PTPRT: variants seen among roughly 807,000 people sequenced by gnomAD.
PTPRT encodes the protein protein tyrosine phosphatase receptor type T.
Under a neutral mutation model 176.8 loss-of-function variants are expected in PTPRT, and 56 were observed. The ratio of observed to expected loss-of-function variants is 0.32; its 90% CI spans 0.26 to 0.40. PTPRT has a LOEUF of 0.40. Ranked by LOEUF, PTPRT falls within the 10% of genes least tolerant of loss-of-function variation. PTPRT has a pLI of 1.00. For synonymous variants in PTPRT, 783 were observed against 739.0 expected (o/e 1.06, Z -0.96); for missense variants, 1,540 against 1,908.2 (o/e 0.81, Z 3.60).
chr20:42,683,276 G>GTTTTGTTTTGTTTTGTTTTC (rs1395816159), intron 6 of PTPRT, among the ~76,000 whole-genome samples: 1 of 151,450 alleles, frequency 6.6e-6, no homozygotes, highest in Non-Finnish European at 1.5e-5. Flanking sequence ...TGTTTTTTTT[G>GTTTTGTTTTGTTTTGTTTTC]TTTTGTTTTG....
At chr20:42,139,202 T>C (rs1053825433) in intron 18 of PTPRT, among the ~76,000 whole-genome samples, 2 of 152,212 alleles carry the variant, frequency 1.3e-5, no homozygotes, top group African/African-American at 4.8e-5. Flanking sequence ...CACTGTCTTC[T>C]TTCAGCACTG....
intron 2 of PTPRT, among the ~76,000 whole-genome samples, chr20:42,816,872 G>A (rs566071275): frequency 1.3e-5 from 2 of 152,254 alleles, no homozygotes; most frequent in South Asian, 2.1e-4. Context: ...GGCAAGAATC[G>A]TTATGGAGAA....
intron 1 of PTPRT, among the ~76,000 whole-genome samples, chr20:42,892,890 A>C (rs2079219960): frequency 6.6e-6 from 1 of 152,212 alleles, no homozygotes; most frequent in African/African-American, 2.4e-5. Context: ...GCCTGAATAT[A>C]TTAAAAAGGA....
chr20:42,116,667 C>T (rs935104267), intron 21 of PTPRT, among the ~76,000 whole-genome samples: 19 of 152,242 alleles, frequency 1.2e-4, no homozygotes, highest in Admixed American at 5.9e-4. Context: ...AAGAAAATTG[C>T]CCAAGGTCAA....
chr20:42,249,954 C>A (rs2056522249), intron 13 of PTPRT, among the ~76,000 whole-genome samples: 1 of 152,188 alleles, frequency 6.6e-6, no homozygotes, highest in Non-Finnish European at 1.5e-5. Context: ...TGGGAAGCAG[C>A]TTAAAGTCCA....
intron 6 of PTPRT, among the ~76,000 whole-genome samples, chr20:42,704,322 C>A (rs2076018578): frequency 6.6e-6 from 1 of 151,956 alleles, no homozygotes; most frequent in African/African-American, 2.4e-5. Context: ...CCGAGACACC[C>A]CATGGTTCTC....
intron 1 of PTPRT, among the ~76,000 whole-genome samples, chr20:42,952,983 G>A (rs142115841): frequency 7.9e-5 from 12 of 152,254 alleles, no homozygotes; most frequent in East Asian, 5.8e-4. Flanking sequence ...AGATCTGAAC[G>A]CAGCAAAGCC....
chr20:42,043,172 T>G, the PTPRT span, among the ~76,000 whole-genome samples: 1 of 152,224 alleles, frequency 6.6e-6, no homozygotes, highest in Non-Finnish European at 1.5e-5. Context: ...CATATATATT[T>G]CAAAGCTTTC....
intron 23 of PTPRT, 106 bp downstream of exon 23, chr20:42,110,227 T>A (rs1169182057): frequency 9.4e-7 from 1 of 1,065,574 alleles, no homozygotes; most frequent in African/African-American, 1.6e-5. Flanking sequence ...TTTGTATCTT[T>A]CTTTAGTAGA....
intron 17 of PTPRT, among the ~76,000 whole-genome samples, chr20:42,154,501 T>C (rs1001090655): frequency 6.6e-6 from 1 of 152,188 alleles, no homozygotes; most frequent in Non-Finnish European, 1.5e-5. Context: ...AATGAACAAA[T>C]GTTTGCTCTT....
At chr20:42,704,186 G>A (rs1356098374) in intron 6 of PTPRT, among the ~76,000 whole-genome samples, 1 of 151,942 alleles carries the variant, frequency 6.6e-6, no homozygotes, top group African/African-American at 2.4e-5. Flanking sequence ...TCTAGATTAG[G>A]TTTCCTCAGA....
At chr20:42,715,912 T>A (rs971530320) in intron 6 of PTPRT, among the ~76,000 whole-genome samples, 1 of 152,240 alleles carries the variant, frequency 6.6e-6, no homozygotes, top group African/African-American at 2.4e-5. Flanking sequence ...ACAATCTTGA[T>A]TAAAAGAGTC....
At chr20:43,175,095 C>G (rs988438594) in intron 1 of PTPRT, among the ~76,000 whole-genome samples, 2 of 152,214 alleles carry the variant, frequency 1.3e-5, no homozygotes, top group African/African-American at 4.8e-5. Flanking sequence ...TCAGGCAAAC[C>G]TAAGGCCAAA....
chr20:42,627,382 A>G (rs1219610059), intron 7 of PTPRT, among the ~76,000 whole-genome samples: 3 of 151,762 alleles, frequency 2.0e-5, no homozygotes, highest in Admixed American at 6.6e-5. Context: ...TCTTGCCTCA[A>G]CCTCCCATGC....
At chr20:42,958,396 AAT>A (rs1981789172) in intron 1 of PTPRT, among the ~76,000 whole-genome samples, 1 of 54,060 alleles carries the variant, frequency 1.8e-5, no homozygotes, top group African/African-American at 7.2e-5. Context: ...GAGGAAAGGG[AAT>A]GGTGGGAAAG....
At chr20:42,166,385 G>A (rs1470594565) in intron 16 of PTPRT, among the ~76,000 whole-genome samples, 1 of 152,034 alleles carries the variant, frequency 6.6e-6, no homozygotes, top group Admixed American at 6.6e-5. Context: ...CTGGTGCTGA[G>A]GAAATGAATG....
chr20:43,108,273 G>T (rs2012703914), intron 1 of PTPRT, among the ~76,000 whole-genome samples: 1 of 152,168 alleles, frequency 6.6e-6, no homozygotes, highest in East Asian at 1.9e-4. Flanking sequence ...CTGCCATACT[G>T]TGAGAAGCTG....
intron 13 of PTPRT, among the ~76,000 whole-genome samples, chr20:42,263,212 CT>C (rs1238784191): frequency 6.6e-6 from 1 of 151,724 alleles, no homozygotes; most frequent in Non-Finnish European, 1.5e-5. Flanking sequence ...GACTCTCTCT[CT>C]TTTTTCTTTT....
intron 7 of PTPRT, among the ~76,000 whole-genome samples, chr20:42,645,892 G>C (rs532911394): frequency 1.6e-4 from 24 of 152,086 alleles, no homozygotes; most frequent in African/African-American, 5.8e-4. Flanking sequence ...AACTCAGTGA[G>C]TTTTATAGAA....
Sources: allele counts gnomAD v4.1 joint callset (sites outside exome capture counted in the v4.1 genomes callset), GRCh38; gene constraint gnomAD v4.1.1; transcripts MANE v1.5; gene names NCBI Gene and HGNC (gene_info 2026-07-23, HGNC 2026-07-21).